STK32B: variants seen among roughly 807,000 people sequenced by gnomAD.
The protein encoded by STK32B is serine/threonine kinase 32B.
In STK32B, 43 loss-of-function variants were observed where a neutral mutation model predicts 52.6. That is an observed-to-expected ratio of 0.82 (90% CI 0.64 to 1.05). STK32B has a LOEUF of 1.05. Among genes scored for constraint, STK32B ranks in the 50% least tolerant of loss-of-function variants. The pLI, the probability that STK32B is intolerant of heterozygous loss-of-function variation, is 0.00. For synonymous variants in STK32B, 238 were observed against 204.3 expected (o/e 1.17, Z -1.41); for missense variants, 621 against 534.6 (o/e 1.16, Z -1.59).
chr4:5,404,656 C>T (rs957107688), intron 5 of STK32B, among the ~76,000 whole-genome samples: 5 of 151,910 alleles, frequency 3.3e-5, no homozygotes, highest in African/African-American at 7.3e-5. Flanking sequence ...TACCAACCTC[C>T]GAGAAATCAT....
At chr4:5,122,973 A>C (rs1715152956) in intron 1 of STK32B, among the ~76,000 whole-genome samples, 1 of 152,018 alleles carries the variant, frequency 6.6e-6, no homozygotes, top group South Asian at 2.1e-4. Flanking sequence ...GCACCAGCTC[A>C]TGCATTTCCT....
chr4:5,314,226 A>G (rs1730507397), intron 3 of STK32B, among the ~76,000 whole-genome samples: 1 of 152,208 alleles, frequency 6.6e-6, no homozygotes, highest in African/African-American at 2.4e-5. Flanking sequence ...CACATAGATC[A>G]ATGGAACAGA....
At chr4:5,327,277 A>G (rs1278733417) in intron 3 of STK32B, among the ~76,000 whole-genome samples, 2 of 149,522 alleles carry the variant, frequency 1.3e-5, no homozygotes, top group Non-Finnish European at 3.0e-5. Context: ...TAGTACTTTG[A>G]CCTTTTCTCA....
intron 2 of STK32B, among the ~76,000 whole-genome samples, chr4:5,146,576 A>T (rs766118314): frequency 6.6e-6 from 1 of 152,288 alleles, no homozygotes; most frequent in South Asian, 2.1e-4. Context: ...CTTCTCTCCC[A>T]GTCCACTTAA....
At chr4:5,333,442 A>G (rs1364773131) in intron 4 of STK32B, among the ~76,000 whole-genome samples, 3 of 152,134 alleles carry the variant, frequency 2.0e-5, no homozygotes, top group Non-Finnish European at 4.4e-5. Flanking sequence ...GTTCACTCTG[A>G]TGGTAGTTTC....
chr4:5,127,228 AT>A, intron 1 of STK32B: 1 of 455,072 alleles, frequency 2.2e-6, no homozygotes, highest in South Asian at 1.6e-5. Flanking sequence ...GTCCCAGAAA[AT>A]TTAAATGTCC....
intron 5 of STK32B, among the ~76,000 whole-genome samples, chr4:5,409,252 T>C (rs1002346806): frequency 6.6e-5 from 10 of 152,102 alleles, no homozygotes; most frequent in Non-Finnish European, 1.5e-4. Context: ...GCTCTTGTGA[T>C]ACAGGAGGTA....
chr4:5,408,048 A>C (rs1206219764), intron 5 of STK32B, among the ~76,000 whole-genome samples: 1 of 152,170 alleles, frequency 6.6e-6, no homozygotes, highest in Non-Finnish European at 1.5e-5. Context: ...CAAATCTGTC[A>C]GGGCCTTGAT....
At chr4:5,309,891 T>TGTG (rs981297143) in intron 3 of STK32B, among the ~76,000 whole-genome samples, 1 of 151,888 alleles carries the variant, frequency 6.6e-6, no homozygotes, top group Non-Finnish European at 1.5e-5. Context: ...TGGGGCTGGG[T>TGTG]GTGGTAGCTC....
At chr4:5,030,119 T>C in the STK32B span, among the ~76,000 whole-genome samples, 26 of 152,208 alleles carry the variant, frequency 1.7e-4, no homozygotes, top group Admixed American at 3.3e-4. Flanking sequence ...CTTTCCTTTA[T>C]AAATTACCCA....
chr4:5,250,864 T>C (rs565044569), intron 3 of STK32B, among the ~76,000 whole-genome samples: 9 of 152,360 alleles, frequency 5.9e-5, no homozygotes, highest in Non-Finnish European at 1.0e-4. Context: ...GTATGTCTTT[T>C]GAAAAGTGTC....
intron 3 of STK32B, among the ~76,000 whole-genome samples, chr4:5,236,899 G>A (rs1307835851): frequency 6.6e-6 from 1 of 152,200 alleles, no homozygotes; most frequent in East Asian, 1.9e-4. Flanking sequence ...ACACCCAAAT[G>A]TAGAATTACT....
Position 5,242,245 on chromosome 4 carries a change from A to C in STK32B, c.260+73795A>C, listed in dbSNP as rs538042374. Among the ~76,000 whole-genome samples, 269 of 152,208 alleles carry C rather than the reference A, an allele frequency of 1.8e-3. 1 individual carries two copies. The highest frequency in any genetic ancestry group is 3.4e-3 in the Middle Eastern group (1 of 292). ...ACATCCTCTTCAGCACCTGTTGTTT[A>C]CTGACTTTTTAATGATCGCCATTCT... On this transcript the variant is annotated intron_variant, in intron 3 of 11. Coordinates refer to ENST00000282908, the MANE Select transcript of STK32B (RefSeq NM_018401.3).
At chr4:5,219,375 T>G (rs1723382587) in intron 3 of STK32B, among the ~76,000 whole-genome samples, 2 of 152,176 alleles carry the variant, frequency 1.3e-5, no homozygotes. Flanking sequence ...CAACACTACA[T>G]TTTTTTCGGG....
At chr4:5,146,601 C>T (rs1716933526) in intron 2 of STK32B, among the ~76,000 whole-genome samples, 1 of 152,174 alleles carries the variant, frequency 6.6e-6, no homozygotes, top group South Asian at 2.1e-4. Flanking sequence ...ATGTCAGTCT[C>T]TTATGGCAAC....
At chr4:5,257,604 C>T (rs1164853781) in intron 3 of STK32B, among the ~76,000 whole-genome samples, 4 of 152,206 alleles carry the variant, frequency 2.6e-5, no homozygotes, top group African/African-American at 4.8e-5. Flanking sequence ...TATCACATCA[C>T]GCTTCTGCCA....
chr4:5,187,279 A>G (rs1019130042), intron 3 of STK32B, among the ~76,000 whole-genome samples: 2 of 152,162 alleles, frequency 1.3e-5, no homozygotes, highest in African/African-American at 4.8e-5. Context: ...TGCTTTCCCA[A>G]GGGTCTTCTG....
chr4:5,425,846 A>T (rs1713045079), intron 6 of STK32B, among the ~76,000 whole-genome samples: 1 of 152,206 alleles, frequency 6.6e-6, no homozygotes, highest in South Asian at 2.1e-4. Flanking sequence ...GATTCTGCCT[A>T]TTCCAGAAAG....
At chr4:5,298,178 G>A (rs554442396) in intron 3 of STK32B, among the ~76,000 whole-genome samples, 2 of 152,256 alleles carry the variant, frequency 1.3e-5, no homozygotes, top group South Asian at 2.1e-4. Context: ...GAGGGCCACC[G>A]GCCAGATGTC....
Sources: allele counts gnomAD v4.1 joint callset (sites outside exome capture counted in the v4.1 genomes callset), GRCh38; gene constraint gnomAD v4.1.1; transcripts MANE v1.5; gene names NCBI Gene and HGNC (gene_info 2026-07-23, HGNC 2026-07-21).